Variants in SLC25A13 observed in about 807,000 individuals in gnomAD.
The protein encoded by SLC25A13 is electrogenic aspartate/glutamate antiporter SLC25A13, mitochondrial.
In SLC25A13, 70 loss-of-function variants were observed where a neutral mutation model predicts 85.5. The ratio of observed to expected loss-of-function variants is 0.82; its 90% confidence interval spans 0.68 to 1.00. The LOEUF is 1.00. Ranked by LOEUF, SLC25A13 falls within the 50% of genes least tolerant of loss-of-function variation. The probability of loss-of-function intolerance (pLI) is 0.00; values close to 1 mark genes in which losing one functional copy is unlikely to be tolerated. For missense variants in SLC25A13, 765 were observed against 819.8 expected (o/e 0.93, Z 0.82); for synonymous variants, 259 against 288.7 (o/e 0.90, Z 1.04).
chr7:96,143,697 C>T (rs963624305), intron 14 of SLC25A13, among the ~76,000 whole-genome samples: 1 of 152,154 alleles, frequency 6.6e-6, no homozygotes, highest in African/African-American at 2.4e-5. Context: ...AACAAGTATT[C>T]TAATTGCCAC....
At chr7:96,241,046 GAAA>G (rs1306808917) in intron 3 of SLC25A13, among the ~76,000 whole-genome samples, 2 of 26,782 alleles carry the variant, frequency 7.5e-5, no homozygotes, top group Non-Finnish European at 2.1e-4. Context: ...AGGAAAGAAA[GAAA>G]GAAAGAAAGA....
At chr7:96,275,309 T>C (rs969845689) in intron 3 of SLC25A13, among the ~76,000 whole-genome samples, 4 of 152,178 alleles carry the variant, frequency 2.6e-5, no homozygotes, top group Admixed American at 2.0e-4. Flanking sequence ...AGTTCAACCA[T>C]TGTGGAAGTC....
At chr7:96,235,211 G>T (rs1275215397) in intron 3 of SLC25A13, among the ~76,000 whole-genome samples, 2 of 152,164 alleles carry the variant, frequency 1.3e-5, no homozygotes, top group East Asian at 3.8e-4. Flanking sequence ...CTTCAGGCAT[G>T]TTTTTGGGTT....
intron 2 of SLC25A13, among the ~76,000 whole-genome samples, chr7:96,296,602 T>G (rs1408793877): frequency 1.3e-5 from 2 of 151,742 alleles, no homozygotes; most frequent in African/African-American, 4.8e-5. Context: ...CACCTCAGCC[T>G]CCTGAATAGC....
intron 13 of SLC25A13, among the ~76,000 whole-genome samples, chr7:96,168,127 A>AAAAAAAAAAAAAAAAAC (rs1793844448): frequency 6.8e-6 from 1 of 146,016 alleles, no homozygotes; most frequent in Non-Finnish European, 1.5e-5. Context: ...AAAAAAAAAA[A>AAAAAAAAAAAAAAAAAC]AAGCACGTGT....
chr7:96,121,143 T>A lies in SLC25A13; in HGVS notation c.*48A>T. ...GCTTCATTCCCAGGAGGGATGTTCT[T>A]TACTGCAGTACCCACAAAAAGACAG... On this transcript the variant is annotated 3_prime_UTR_variant, in exon 18 of 18. Transcript: ENST00000265631. 1 of 1,591,598 alleles carries A rather than the reference T, an allele frequency of 6.3e-7. No individual in the cohort carries two copies. Among genetic ancestry groups the A allele is most frequent in the Non-Finnish European group, 8.6e-7 (1 of 1,159,488 alleles).
intron 15 of SLC25A13, among the ~76,000 whole-genome samples, chr7:96,130,012 T>C (rs1159237699): frequency 6.6e-6 from 1 of 152,126 alleles, no homozygotes; most frequent in Non-Finnish European, 1.5e-5. Context: ...ATAATATTTT[T>C]GTTATTTGCC....
At chr7:96,259,893 T>G (rs1375438179) in intron 3 of SLC25A13, among the ~76,000 whole-genome samples, 1 of 152,148 alleles carries the variant, frequency 6.6e-6, no homozygotes, top group East Asian at 1.9e-4. Context: ...AATGAGTTCA[T>G]GTCCTTTGCA....
chr7:96,186,224 G>A (rs1023545949), intron 9 of SLC25A13, among the ~76,000 whole-genome samples: 14 of 152,154 alleles, frequency 9.2e-5, no homozygotes, highest in African/African-American at 3.4e-4. Flanking sequence ...GAGGTCAGGA[G>A]TTCGAGACCA....
Position 96,170,056 on chromosome 7 carries a change from C to G in SLC25A13, c.1300G>C (p.Ala434Pro), listed in dbSNP as rs1299281015. The G allele has an allele frequency of 6.2e-7, 1 of 1,614,030 alleles. No individual in the cohort carries two copies. Among genetic ancestry groups the G allele is most frequent in the African/African-American group, 1.3e-5 (1 of 74,920 alleles). The change falls in exon 13 of 18, where the codon GCT becomes CCT. Residue 434 changes from alanine to proline, a missense_variant. Transcript: ENST00000265631. The stretch of plus-strand genomic sequence containing the variant: ...CAAAAGGTACTTACGCAGCCTCCAG[C>G]AAGAATTTCTGCTGCAAGTGGGACC... ...GSVPLAAEIL[A>P]GGCAGGSQVI...
intron 5 of SLC25A13, among the ~76,000 whole-genome samples, chr7:96,208,011 G>A (rs1258435461): frequency 6.6e-6 from 1 of 152,124 alleles, no homozygotes; most frequent in Non-Finnish European, 1.5e-5. Context: ...TCTAGAGGTG[G>A]GACTGAGGCA....
In SLC25A13 at chr7:96,146,694, A is replaced by G; in HGVS notation, c.1314T>C (p.Ala438=). 1 of 1,614,096 alleles carries G rather than the reference A, an allele frequency of 6.2e-7. No homozygotes were observed. The highest frequency in any genetic ancestry group is 8.5e-7 in the Non-Finnish European group (1 of 1,179,966). The stretch of plus-strand genomic sequence containing the variant: ...TTGTGAAAATCACCTGGGAGCCTCC[A>G]GCCTAAAAAGAACAAAAAAGATTTA... ...LAAEILAGGC[A]GGSQVIFTNP... The change falls in exon 14 of 18, where the codon GCT becomes GCC. Residue 438 remains alanine (A), a splice_region_variant and synonymous_variant. Coordinates refer to ENST00000265631, the MANE Select transcript of SLC25A13 (RefSeq NM_014251.3).
chr7:96,303,398 G>A lies in SLC25A13; in HGVS notation c.16-6447C>T, dbSNP rs150223211. ...AAGCATGCAGTGACAAGCAGGAAAC[G>A]GAGAGAGAAGGAGAAACAGTCCTGC... On this transcript the variant is annotated intron_variant, in intron 1 of 17. Coordinates refer to ENST00000265631, the MANE Select transcript of SLC25A13 (RefSeq NM_014251.3). 4.2e-4 allele frequency among the ~76,000 whole-genome samples: 64 copies of A among 152,196 alleles called. No individual in the cohort carries two copies. The East Asian group carries it at 9.7e-3, about 23-fold the overall frequency.
chr7:96,125,263 A>G (rs1468317564), intron 15 of SLC25A13, among the ~76,000 whole-genome samples: 1 of 151,878 alleles, frequency 6.6e-6, no homozygotes, highest in Non-Finnish European at 1.5e-5. Flanking sequence ...TATTTTTTGT[A>G]TTTTTAGTAG....
chr7:96,238,169 A>G (rs1156612431), intron 3 of SLC25A13, among the ~76,000 whole-genome samples: 1 of 152,170 alleles, frequency 6.6e-6, no homozygotes, highest in Non-Finnish European at 1.5e-5. Context: ...TAAAACAGGG[A>G]AATTTAAAAA....
chr7:96,125,457 G>A (rs1354628739), intron 15 of SLC25A13, among the ~76,000 whole-genome samples: 1 of 152,140 alleles, frequency 6.6e-6, no homozygotes, highest in Non-Finnish European at 1.5e-5. Context: ...GTCCTTGCAT[G>A]TGAAAAACTA....
chr7:96,150,827 A>G (rs542470276), intron 13 of SLC25A13, among the ~76,000 whole-genome samples: 1 of 152,158 alleles, frequency 6.6e-6, no homozygotes, highest in African/African-American at 2.4e-5. Context: ...AGTTTGTGGT[A>G]TTTTGTTTTG....
intron 1 of SLC25A13, among the ~76,000 whole-genome samples, chr7:96,312,820 A>G (rs903682528): frequency 3.3e-5 from 5 of 152,202 alleles, no homozygotes; most frequent in Non-Finnish European, 7.3e-5. Context: ...TGGGAGCTAC[A>G]GCAATGGTAC....
At chr7:96,183,684 T>C (rs903977352) in intron 11 of SLC25A13, among the ~76,000 whole-genome samples, 1 of 152,256 alleles carries the variant, frequency 6.6e-6, no homozygotes, top group Non-Finnish European at 1.5e-5. Context: ...ACTACTTCCA[T>C]TGCTTAATGA....
Sources: gnomAD v4.1 joint callset for allele counts (sites outside exome capture counted in the v4.1 genomes callset) on GRCh38, gnomAD v4.1.1 for gene constraint, MANE v1.5 for transcripts, NCBI Gene and HGNC (gene_info 2026-07-23, HGNC 2026-07-21) for gene names.